RAD51B: variants seen among roughly 807,000 people sequenced by gnomAD.
RAD51B encodes the protein DNA repair protein RAD51 homolog 2.
RAD51B carries 38 observed loss-of-function variants against 42.2 expected under a neutral mutation model. That is an observed-to-expected ratio of 0.90 (90% CI 0.70 to 1.18). The LOEUF is 1.18. Among genes scored for constraint, RAD51B ranks in the 50% most tolerant of loss-of-function variants. The probability of loss-of-function intolerance (pLI) is 0.00; values close to 1 mark genes in which losing one functional copy is unlikely to be tolerated. For missense variants in RAD51B, 373 were observed against 400.7 expected (o/e 0.93, Z 0.59); for synonymous variants, 154 against 145.2 (o/e 1.06, Z -0.43).
intron 10 of RAD51B, chr14:68,541,844 C>T: frequency 1.0e-6 from 1 of 982,558 alleles, no homozygotes. Context: ...CCTGTGAGAT[C>T]TTTCTCAAAA....
At chr14:67,992,447 A>AGTTTGGC (rs1199418123) in intron 7 of RAD51B, among the ~76,000 whole-genome samples, 1 of 152,212 alleles carries the variant, frequency 6.6e-6, no homozygotes, top group Non-Finnish European at 1.5e-5. Context: ...GGTGTTGCCA[A>AGTTTGGC]ACTACCTTAA....
chr14:68,670,636 C>T (rs1893136444), intron 11 of RAD51B, among the ~76,000 whole-genome samples: 1 of 152,196 alleles, frequency 6.6e-6, no homozygotes, highest in Non-Finnish European at 1.5e-5. Flanking sequence ...CCCTTGCCCT[C>T]CTGGCCACTT....
intron 8 of RAD51B, among the ~76,000 whole-genome samples, chr14:68,379,750 C>T (rs760223567): frequency 2.6e-5 from 4 of 152,176 alleles, no homozygotes; most frequent in Non-Finnish European, 4.4e-5. Context: ...GCTACTTTCC[C>T]TCTACTTCCC....
exon 11 of RAD51B, chr14:68,595,951 CTTTT>C (rs11305606): frequency 0.023 from 7,608 of 338,010 alleles, 424 homozygotes; most frequent in African/African-American, 0.15. Flanking sequence ...TTGGAATTGT[CTTTT>C]TTTTTTTTTT....
chr14:68,174,862 A>G (rs1054746641), intron 7 of RAD51B, among the ~76,000 whole-genome samples: 1 of 152,214 alleles, frequency 6.6e-6, no homozygotes, highest in Non-Finnish European at 1.5e-5. Context: ...ACTGCATTAC[A>G]TAAGAAAATT....
chr14:68,616,463 T>G (rs1288224562), downstream of RAD51B, among the ~76,000 whole-genome samples: 1 of 152,212 alleles, frequency 6.6e-6, no homozygotes, highest in African/African-American at 2.4e-5. Context: ...TTTCCTATAC[T>G]CTCTATGACA....
intron 10 of RAD51B, among the ~76,000 whole-genome samples, chr14:68,582,426 A>G (rs1890250239): frequency 6.6e-6 from 1 of 152,392 alleles, no homozygotes; most frequent in African/African-American, 2.4e-5. Context: ...ACTGATCACT[A>G]GAGAAATGCA....
intron 8 of RAD51B, among the ~76,000 whole-genome samples, chr14:68,318,456 A>G (rs2082101565): frequency 6.6e-6 from 1 of 152,170 alleles, no homozygotes; most frequent in South Asian, 2.1e-4. Flanking sequence ...GGGTAAACCT[A>G]TTTCTAAATT....
At chr14:68,050,142 A>T (rs2076368736) in intron 7 of RAD51B, among the ~76,000 whole-genome samples, 1 of 152,114 alleles carries the variant, frequency 6.6e-6, no homozygotes, top group Non-Finnish European at 1.5e-5. Flanking sequence ...TATCATAAAG[A>T]TGAAGTCATG....
intron 10 of RAD51B, among the ~76,000 whole-genome samples, chr14:68,493,646 A>G (rs1303852301): frequency 1.3e-5 from 2 of 152,240 alleles, no homozygotes; most frequent in Admixed American, 1.3e-4. Context: ...AACCTAATGT[A>G]TGTCCCAGAC....
intron 7 of RAD51B, among the ~76,000 whole-genome samples, chr14:68,227,584 T>C (rs2080063975): frequency 6.6e-6 from 1 of 152,214 alleles, no homozygotes; most frequent in African/African-American, 2.4e-5. Context: ...ATATTTCCAA[T>C]GTAGCGATAA....
intron 10 of RAD51B, among the ~76,000 whole-genome samples, chr14:68,506,014 T>G (rs1238637033): frequency 6.6e-6 from 1 of 152,206 alleles, no homozygotes; most frequent in African/African-American, 2.4e-5. Context: ...TAGTGGCCAC[T>G]TGGGGTCCAT....
At chr14:67,960,610 G>C (rs1595170024) in intron 7 of RAD51B, among the ~76,000 whole-genome samples, 1 of 152,306 alleles carries the variant, frequency 6.6e-6, no homozygotes, top group East Asian at 1.9e-4. Context: ...AAGAACACTG[G>C]ATAGAACTTA....
At chr14:68,152,994 G>A (rs1333793488) in intron 7 of RAD51B, among the ~76,000 whole-genome samples, 1 of 152,006 alleles carries the variant, frequency 6.6e-6, no homozygotes. Context: ...TCTTTTTCCA[G>A]TCTGCCATTT....
chr14:68,323,929 G>C (rs2082202104), intron 8 of RAD51B, among the ~76,000 whole-genome samples: 1 of 152,186 alleles, frequency 6.6e-6, no homozygotes, highest in Non-Finnish European at 1.5e-5. Flanking sequence ...AGAGCATGCA[G>C]AAAGAGCCCA....
chr14:67,913,621 A>G (rs2044057888), intron 7 of RAD51B, among the ~76,000 whole-genome samples: 1 of 152,138 alleles, frequency 6.6e-6, no homozygotes. Flanking sequence ...GTCTTTAATG[A>G]ATCAGTTAAA....
intron 8 of RAD51B, among the ~76,000 whole-genome samples, chr14:68,345,764 G>T (rs953295314): frequency 3.9e-5 from 6 of 152,084 alleles, no homozygotes; most frequent in African/African-American, 1.4e-4. Context: ...GTTCAAGAGC[G>T]ACTCTCATGC....
intron 11 of RAD51B, among the ~76,000 whole-genome samples, chr14:68,678,102 C>CA (rs1893351221): frequency 6.6e-6 from 1 of 152,022 alleles, no homozygotes; most frequent in African/African-American, 2.4e-5. Context: ...ATATGAGACT[C>CA]AGAGATAAAA....
At chr14:68,648,940 G>A (rs1400678893) in intron 10 of RAD51B, among the ~76,000 whole-genome samples, 2 of 152,206 alleles carry the variant, frequency 1.3e-5, no homozygotes, top group South Asian at 2.1e-4. Context: ...TAGAAATCAA[G>A]CAGAGTGCAG....
Sources: gnomAD v4.1 joint callset for allele counts (sites outside exome capture counted in the v4.1 genomes callset) on GRCh38, gnomAD v4.1.1 for gene constraint, MANE v1.5 for transcripts, NCBI Gene and HGNC (gene_info 2026-07-23, HGNC 2026-07-21) for gene names.